The following C12orf42 variants were observed in gnomAD, a reference collection of about 807,000 sequenced individuals.
The protein encoded by C12orf42 is uncharacterized protein C12orf42.
In C12orf42, 25 loss-of-function variants were observed where a neutral mutation model predicts 21.6. That is an observed-to-expected ratio of 1.16 (90% CI 0.84 to 1.62). C12orf42 has a LOEUF of 1.62. Among genes scored for constraint, C12orf42 ranks in the 40% most tolerant of loss-of-function variants. The probability of loss-of-function intolerance (pLI) is 0.00; values close to 1 mark genes in which losing one functional copy is unlikely to be tolerated. For synonymous variants in C12orf42, 174 were observed against 175.0 expected (o/e 0.99, Z 0.05); for missense variants, 483 against 459.3 (o/e 1.05, Z -0.47).
chr12:103,051,542 T>A, the C12orf42 span, among the ~76,000 whole-genome samples: 1 of 152,186 alleles, frequency 6.6e-6, no homozygotes, highest in Non-Finnish European at 1.5e-5. Context: ...ACATAAAATG[T>A]AAATATTCTT....
the C12orf42 span, among the ~76,000 whole-genome samples, chr12:103,099,551 A>ACT: frequency 6.6e-6 from 1 of 152,244 alleles, no homozygotes; most frequent in African/African-American, 2.4e-5. Flanking sequence ...ACCATTGCCT[A>ACT]CTTTGTCAAA....
the C12orf42 span, among the ~76,000 whole-genome samples, chr12:103,109,064 C>G: frequency 1.3e-5 from 2 of 152,090 alleles, no homozygotes; most frequent in Non-Finnish European, 2.9e-5. Context: ...CACAACCTTA[C>G]AGAGTTTTTC....
At chr12:103,520,493 A>G in the C12orf42 span, among the ~76,000 whole-genome samples, 14 of 152,162 alleles carry the variant, frequency 9.2e-5, no homozygotes, top group Non-Finnish European at 1.6e-4. Context: ...GTTTGAGACC[A>G]GCCTGGGCAA....
chr12:103,367,538 G>A lies in C12orf42; in HGVS notation c.259+1349C>T, dbSNP rs114281602. Among the ~76,000 whole-genome samples the A allele has an allele frequency of 4.8e-3, 736 of 152,040 alleles. 10 individuals carry two copies. The highest frequency in any genetic ancestry group is 0.017 in the African/African-American group (697 of 41,528). ...CGTGGGAAGAGCTCCAAGATACAGT[G>A]ATAAGTGAAGACTGAGGTGCAGAAT... On this transcript the variant is annotated intron_variant, in intron 4 of 5. Coordinates refer to ENST00000548883, the MANE Select transcript of C12orf42 (RefSeq NM_198521.5).
At chr12:103,464,484 G>T (rs188485636) in intron 2 of C12orf42, among the ~76,000 whole-genome samples, 1 of 151,220 alleles carries the variant, frequency 6.6e-6, no homozygotes, top group African/African-American at 2.4e-5. Context: ...CAGATAGATA[G>T]ATTGCAAAAA....
At chr12:103,129,652 A>G in the C12orf42 span, among the ~76,000 whole-genome samples, 1 of 152,154 alleles carries the variant, frequency 6.6e-6, no homozygotes, top group Admixed American at 6.5e-5. Flanking sequence ...TCTCTCTCTT[A>G]TGTTTAAACA....
At chr12:103,418,397 G>A (rs374276672) in intron 2 of C12orf42, among the ~76,000 whole-genome samples, 1 of 152,028 alleles carries the variant, frequency 6.6e-6, no homozygotes, top group Non-Finnish European at 1.5e-5. Flanking sequence ...TCAGAAGTAT[G>A]GAAGCATGGA....
chr12:103,259,223 C>G (rs1196284123), intron 10 of C12orf42, among the ~76,000 whole-genome samples: 1 of 152,176 alleles, frequency 6.6e-6, no homozygotes, highest in Non-Finnish European at 1.5e-5. Context: ...CATTAAGACT[C>G]TGAACTGAAA....
At chr12:103,181,708 G>T in the C12orf42 span, among the ~76,000 whole-genome samples, 1 of 152,210 alleles carries the variant, frequency 6.6e-6, no homozygotes, top group Non-Finnish European at 1.5e-5. Context: ...CTCTGTAGCA[G>T]GTACTGCCTG....
At chr12:103,460,546 G>A (rs1337786877) in intron 2 of C12orf42, among the ~76,000 whole-genome samples, 2 of 152,142 alleles carry the variant, frequency 1.3e-5, no homozygotes, top group Admixed American at 6.5e-5. Flanking sequence ...TCGCTCTCCA[G>A]TACTGCTTTT....
the C12orf42 span, among the ~76,000 whole-genome samples, chr12:103,137,315 C>T: frequency 2.7e-5 from 4 of 150,874 alleles, no homozygotes; most frequent in South Asian, 6.3e-4. Context: ...AAAACCACAG[C>T]GAGATATCAT....
At chr12:103,290,311 T>C (rs1372839233) in intron 4 of C12orf42, among the ~76,000 whole-genome samples, 1 of 152,176 alleles carries the variant, frequency 6.6e-6, no homozygotes, top group Non-Finnish European at 1.5e-5. Context: ...GTCTCCTTCC[T>C]CTAGCCAACT....
At chr12:103,295,448 A>AG (rs2037200543) in intron 4 of C12orf42, among the ~76,000 whole-genome samples, 1 of 152,146 alleles carries the variant, frequency 6.6e-6, no homozygotes, top group African/African-American at 2.4e-5. Flanking sequence ...GCTTTGAATA[A>AG]GACATTGTAC....
At chr12:103,099,089 C>T in the C12orf42 span, among the ~76,000 whole-genome samples, 1 of 152,140 alleles carries the variant, frequency 6.6e-6, no homozygotes, top group Non-Finnish European at 1.5e-5. Context: ...TTCATCCTAC[C>T]ATAAATATTT....
the C12orf42 span, among the ~76,000 whole-genome samples, chr12:103,515,188 T>C: frequency 1.4e-4 from 21 of 152,312 alleles, 1 homozygote; most frequent in African/African-American, 4.3e-4. Context: ...TTGCAATAAA[T>C]ATAAAATCAG....
chr12:103,202,502 T>C, the C12orf42 span, among the ~76,000 whole-genome samples: 4 of 152,146 alleles, frequency 2.6e-5, no homozygotes, highest in Non-Finnish European at 5.9e-5. Flanking sequence ...GACCATTGAG[T>C]GTTAACAGTT....
At chr12:103,138,016 G>A in the C12orf42 span, among the ~76,000 whole-genome samples, 1 of 152,198 alleles carries the variant, frequency 6.6e-6, no homozygotes, top group East Asian at 1.9e-4. Context: ...AGCTAGAAAG[G>A]AAGACTTGAA....
At chr12:103,415,555 A>G (rs1301440189) in intron 2 of C12orf42, among the ~76,000 whole-genome samples, 1 of 152,174 alleles carries the variant, frequency 6.6e-6, no homozygotes, top group African/African-American at 2.4e-5. Flanking sequence ...ATTAATTTTT[A>G]AAAACTGAAA....
At chr12:103,047,994 C>A in the C12orf42 span, among the ~76,000 whole-genome samples, 1 of 151,914 alleles carries the variant, frequency 6.6e-6, no homozygotes, top group South Asian at 2.1e-4. Flanking sequence ...CTCCATCTTA[C>A]CAGGAGGAGC....
Sources: gnomAD v4.1 joint callset for allele counts (sites outside exome capture counted in the v4.1 genomes callset) on GRCh38, gnomAD v4.1.1 for gene constraint, MANE v1.5 for transcripts, NCBI Gene and HGNC (gene_info 2026-07-23, HGNC 2026-07-21) for gene names.